DIP2C: variants seen among roughly 807,000 people sequenced by gnomAD.
DIP2C encodes disco-interacting protein 2 homolog C.
In DIP2C, 33 loss-of-function variants were observed where a neutral mutation model predicts 192.4. The observed-to-expected ratio is 0.17, with a 90% CI of 0.13 to 0.23. The LOEUF (loss-of-function observed/expected upper bound fraction) is 0.23, where lower values mean the gene tolerates loss of function less well. Ranked by LOEUF, DIP2C falls within the 10% of genes least tolerant of loss-of-function variation. The pLI, the probability that DIP2C is intolerant of heterozygous loss-of-function variation, is 1.00. For missense variants in DIP2C, 1,537 were observed against 2,110.1 expected, an observed-to-expected ratio of 0.73 and a Z score of 5.32; for synonymous variants, 979 against 864.1, an observed-to-expected ratio of 1.13 and a Z score of -2.33.
chr10:407,587 C>G (rs137929476), intron 9 of DIP2C, among the ~76,000 whole-genome samples: 2 of 152,122 alleles, frequency 1.3e-5, no homozygotes, highest in African/African-American at 4.8e-5. Context: ...TCCTTGCCAA[C>G]ACGTGCCCTT....
rs1388194445 is a variant in DIP2C, at chr10:506,671, GCCT to G, written c.86-20144_86-20142del. Reference sequence around the variant, plus strand: ...CTGGGCACTCCTGCAGTCTGCAGCTGCCTCCTATCCCCCAACACACAGTGGCCT... The same window carrying G: ...CTGGGCACTCCTGCAGTCTGCAGCTGCCTATCCCCCAACACACAGTGGCCT... On this transcript the variant is annotated intron_variant, in intron 1 of 36. Coordinates refer to ENST00000280886, the MANE Select transcript of DIP2C (RefSeq NM_014974.3). 3.9e-5 allele frequency among the ~76,000 whole-genome samples: 6 copies of G among 152,328 alleles called. No homozygotes were observed. In the East Asian group the frequency reaches 1.2e-3, roughly 29 times the overall value.
At chr10:451,051 G>A (rs1254859745) in intron 3 of DIP2C, among the ~76,000 whole-genome samples, 10 of 152,152 alleles carry the variant, frequency 6.6e-5, no homozygotes, top group Admixed American at 6.5e-4. Context: ...GAGTCTCAAA[G>A]CCCATCTCTG....
intron 1 of DIP2C, among the ~76,000 whole-genome samples, chr10:549,711 G>C (rs958287102): frequency 6.6e-6 from 1 of 152,134 alleles, no homozygotes; most frequent in South Asian, 2.1e-4. Flanking sequence ...GGGTGCCCTC[G>C]TCACTTTTCA....
chr10:312,289 T>C (rs1245256120), intron 31 of DIP2C, among the ~76,000 whole-genome samples: 1 of 152,190 alleles, frequency 6.6e-6, no homozygotes, highest in Non-Finnish European at 1.5e-5. Flanking sequence ...TGCTGGACAA[T>C]TCCAGAAATC....
intron 10 of DIP2C, among the ~76,000 whole-genome samples, chr10:395,056 C>T (rs1455868492): frequency 2.8e-5 from 4 of 145,330 alleles, no homozygotes; most frequent in Non-Finnish European, 6.0e-5. Context: ...CTCATTTACA[C>T]GTGGCATTTA....
At chr10:667,754 A>G (rs559306085) in intron 1 of DIP2C, 1 of 152,334 alleles carries the variant, frequency 6.6e-6, no homozygotes, top group Non-Finnish European at 1.5e-5. Context: ...TACAGCACAC[A>G]CAACTCATAA....
At chr10:320,660 T>G (rs779139085) in intron 31 of DIP2C, among the ~76,000 whole-genome samples, 7 of 152,148 alleles carry the variant, frequency 4.6e-5, no homozygotes, top group Non-Finnish European at 8.8e-5. Context: ...GGCTCACGCC[T>G]GTAATCCCAG....
chr10:475,163 T>C (rs1970960844), intron 2 of DIP2C, among the ~76,000 whole-genome samples: 1 of 152,044 alleles, frequency 6.6e-6, no homozygotes, highest in Non-Finnish European at 1.5e-5. Context: ...ATAACACACA[T>C]GGCTGGGAGG....
intron 2 of DIP2C, among the ~76,000 whole-genome samples, chr10:480,787 G>A (rs1025771974): frequency 1.3e-5 from 2 of 152,196 alleles, no homozygotes; most frequent in African/African-American, 4.8e-5. Context: ...ACACGTCTCC[G>A]GCAGCTAAGC....
intron 1 of DIP2C, among the ~76,000 whole-genome samples, chr10:592,431 A>G (rs534508216): frequency 6.6e-6 from 1 of 152,254 alleles, no homozygotes; most frequent in Non-Finnish European, 1.5e-5. Flanking sequence ...CATCGATACG[A>G]AAACAGATGA....
chr10:492,991 A>AT (rs1268945952), intron 1 of DIP2C, among the ~76,000 whole-genome samples: 8 of 152,184 alleles, frequency 5.3e-5, no homozygotes, highest in Non-Finnish European at 1.0e-4. Flanking sequence ...TGCCGATGGA[A>AT]TTTTTTAAAA....
At chr10:647,420 C>A (rs1483496133) in intron 1 of DIP2C, among the ~76,000 whole-genome samples, 1 of 110,314 alleles carries the variant, frequency 9.1e-6, no homozygotes, top group Admixed American at 9.8e-5. Context: ...GAGAACAGAG[C>A]GAAATTGAGT....
In DIP2C at chr10:437,377, C is replaced by T. The variant is rs898946883; in HGVS notation, c.394+3494G>A. On this transcript the variant is annotated intron_variant, in intron 4 of 36. Transcript: ENST00000280886. ...CCACCCACACCTGAGCTCTGAGCTC[C>T]GCCTCCTGAATGTGGTAGGGTGATA... Among the ~76,000 whole-genome samples the T allele has an allele frequency of 8.6e-5, 13 of 151,654 alleles. No homozygotes were observed. In the South Asian group the frequency reaches 1.7e-3, roughly 19 times the overall value.
intron 1 of DIP2C, among the ~76,000 whole-genome samples, chr10:600,820 C>T (rs1852019284): frequency 6.6e-6 from 1 of 152,220 alleles, no homozygotes; most frequent in Non-Finnish European, 1.5e-5. Flanking sequence ...ATTTTATAAC[C>T]ACGTCTCAAC....
At chr10:510,545 T>TG (rs1393282574) in intron 1 of DIP2C, among the ~76,000 whole-genome samples, 1 of 152,238 alleles carries the variant, frequency 6.6e-6, no homozygotes, top group Non-Finnish European at 1.5e-5. Context: ...CAGGCAGGCC[T>TG]GGGCAGCCGC....
chr10:344,106 G>A (rs943717452), intron 28 of DIP2C, among the ~76,000 whole-genome samples: 2 of 152,222 alleles, frequency 1.3e-5, no homozygotes, highest in African/African-American at 4.8e-5. Flanking sequence ...GCCATGAAAC[G>A]GTATGACTGG....
At position 581,380 on chromosome 10, in the gene DIP2C, G is replaced by A. The variant is rs2131590370; in HGVS notation, c.86-94850C>T. ...TACAGGCAGTCTTCTGCAAATATGA[G>A]TTTCTAGGAATACAAAAGTCAAGGG... On this transcript the variant is annotated intron_variant, in intron 1 of 36. Transcript: ENST00000280886. 2.6e-5 allele frequency among the ~76,000 whole-genome samples: 4 copies of A among 152,228 alleles called. No individual in the cohort carries two copies. The South Asian group carries it at 8.3e-4, about 32-fold the overall frequency.
At chr10:572,978 G>A (rs1849919575) in intron 1 of DIP2C, among the ~76,000 whole-genome samples, 1 of 152,154 alleles carries the variant, frequency 6.6e-6, no homozygotes, top group African/African-American at 2.4e-5. Flanking sequence ...AAAGGACAGG[G>A]CTACCCAACT....
intron 31 of DIP2C, among the ~76,000 whole-genome samples, chr10:312,681 C>T (rs1376691804): frequency 6.6e-6 from 1 of 152,174 alleles, no homozygotes; most frequent in Admixed American, 6.5e-5. Context: ...ATTATGGCTA[C>T]TCTTCTCTCT....
Sources: allele counts gnomAD v4.1 joint callset (sites outside exome capture counted in the v4.1 genomes callset), GRCh38; gene constraint gnomAD v4.1.1; transcripts MANE v1.5; gene names NCBI Gene and HGNC (gene_info 2026-07-23, HGNC 2026-07-21).